SLC8A3: variants seen among roughly 807,000 people sequenced by gnomAD.
SLC8A3 encodes sodium/calcium exchanger 3.
SLC8A3 carries 37 observed loss-of-function variants against 65.4 expected under a neutral mutation model. The ratio of observed to expected loss-of-function variants is 0.57; its 90% CI spans 0.44 to 0.74. The LOEUF is 0.74. Ranked by LOEUF, SLC8A3 falls within the 30% of genes least tolerant of loss-of-function variation. The probability of loss-of-function intolerance (pLI) is 0.00; values close to 1 mark genes in which losing one functional copy is unlikely to be tolerated. For missense variants in SLC8A3, 1,112 were observed against 1,172.1 expected, an observed-to-expected ratio of 0.95 and a Z score of 0.75; for synonymous variants, 461 against 444.5, an observed-to-expected ratio of 1.04 and a Z score of -0.47.
At chr14:70,101,550 T>G (rs531697771) in intron 2 of SLC8A3, among the ~76,000 whole-genome samples, 1 of 152,246 alleles carries the variant, frequency 6.6e-6, no homozygotes, top group Non-Finnish European at 1.5e-5. Context: ...ACAAAGTTAT[T>G]CTAAGAGCAA....
In SLC8A3 at chr14:70,048,863, T is replaced by C. The variant is rs1328218501; in HGVS notation, c.2293A>G (p.Ile765Val). 1 of 1,614,132 alleles carries C rather than the reference T, an allele frequency of 6.2e-7. No homozygotes were observed. The highest frequency in any genetic ancestry group is 1.1e-5 in the South Asian group (1 of 91,048). Residue 765 changes from isoleucine to valine, a missense_variant, in exon 6 of 7, where the codon ATC becomes GTC. Transcript: ENST00000356921. ...SILIIGMLTA[I>V]IGDLASHFGC... ...AAGTGCGAGGCCAGGTCCCCAATGA[T>C]GGCGGTGAGCATGCCAATGATGAGG...
intron 2 of SLC8A3, among the ~76,000 whole-genome samples, chr14:70,090,976 T>A (rs1330950540): frequency 6.6e-6 from 1 of 152,208 alleles, no homozygotes; most frequent in Non-Finnish European, 1.5e-5. Flanking sequence ...CCATCAATCC[T>A]CTAAAGGTCC....
intron 2 of SLC8A3, among the ~76,000 whole-genome samples, chr14:70,134,387 A>G (rs141081574): frequency 8.5e-5 from 13 of 152,256 alleles, no homozygotes; most frequent in East Asian, 5.8e-4. Context: ...TAATCCCTGC[A>G]TTCTTCCCAT....
chr14:70,066,631 G>C (rs1214078508), intron 2 of SLC8A3, among the ~76,000 whole-genome samples: 1 of 152,026 alleles, frequency 6.6e-6, no homozygotes, highest in Non-Finnish European at 1.5e-5. Context: ...ACCAACATGG[G>C]GAAACTCTGT....
At chr14:70,148,273 G>C (rs1007111137) in intron 2 of SLC8A3, among the ~76,000 whole-genome samples, 1 of 152,122 alleles carries the variant, frequency 6.6e-6, no homozygotes, top group East Asian at 1.9e-4. Flanking sequence ...TTGACTTATG[G>C]TATTTGTAAC....
chr14:70,159,692 A>C (rs1171795710), intron 2 of SLC8A3, among the ~76,000 whole-genome samples: 1 of 152,212 alleles, frequency 6.6e-6, no homozygotes, highest in Admixed American at 6.5e-5. Flanking sequence ...TAAGACCCAG[A>C]AGAGTCCAGA....
chr14:70,084,667 A>T (rs1457271907), intron 2 of SLC8A3, among the ~76,000 whole-genome samples: 4 of 152,224 alleles, frequency 2.6e-5, no homozygotes, highest in African/African-American at 7.2e-5. Flanking sequence ...GAGAAGGGAA[A>T]ATTGAATGTT....
At chr14:70,149,578 G>A (rs1896135366) in intron 2 of SLC8A3, among the ~76,000 whole-genome samples, 1 of 152,162 alleles carries the variant, frequency 6.6e-6, no homozygotes, top group African/African-American at 2.4e-5. Flanking sequence ...TCTGGGAGAT[G>A]GGTCTAGTGA....
rs1201282532 is a variant in SLC8A3 at position 70,049,007 on chromosome 14, T to C, written c.2149A>G (p.Arg717Gly). The C allele has an allele frequency of 6.2e-7, 1 of 1,613,494 alleles. No homozygotes were observed. ...ACGTAGTCAAAGCAGGAGGGCAGCC[T>C]CTCCTCCCCGGATTCATCCTCATCC... ...DEDEDESGEERLPSCFDYVMH... is the reference protein window; with the variant it reads ...DEDEDESGEEGLPSCFDYVMH... Residue 717 changes from arginine to glycine, a missense_variant, in exon 6 of 7, where the codon AGG becomes GGG. Arg to Gly is a moderately radical substitution (Grantham distance 125, BLOSUM62 -2). Coordinates refer to ENST00000356921, the MANE Select transcript of SLC8A3 (RefSeq NM_182932.3).
intron 2 of SLC8A3, among the ~76,000 whole-genome samples, chr14:70,070,717 A>C (rs557612974): frequency 8.5e-5 from 13 of 152,306 alleles, no homozygotes; most frequent in Non-Finnish European, 1.3e-4. Context: ...GTATTAAAAA[A>C]TAGGATGATG....
intron 2 of SLC8A3, among the ~76,000 whole-genome samples, chr14:70,148,149 GC>G (rs1236584810): frequency 6.6e-6 from 1 of 152,118 alleles, no homozygotes; most frequent in Non-Finnish European, 1.5e-5. Context: ...TTTAAAATAG[GC>G]TTTGTTTTAT....
chr14:70,116,778 A>T (rs1004253552), intron 2 of SLC8A3, among the ~76,000 whole-genome samples: 5 of 152,220 alleles, frequency 3.3e-5, no homozygotes, highest in Non-Finnish European at 5.9e-5. Context: ...GCACAGCCGA[A>T]CCTCTGCCTT....
In SLC8A3 at chr14:70,090,628, GTA is replaced by G. The variant is rs899765267; in HGVS notation, c.1785-29691_1785-29690del. Among the ~76,000 whole-genome samples, 98 of 152,138 alleles carry G rather than the reference GTA, an allele frequency of 6.4e-4. 1 individual carries two copies. The highest frequency in any genetic ancestry group is 2.3e-3 in the African/African-American group (94 of 41,436). On this transcript the variant is annotated intron_variant, in intron 2 of 6. Transcript: ENST00000356921. ...AACCTTCAGTCTTTTGGAAAAACTT[GTA>G]TATATATAGTGGTTCTTATTCCAAA...
At chr14:70,140,754 G>C (rs61978164) in intron 2 of SLC8A3, among the ~76,000 whole-genome samples, 17,638 of 152,224 alleles carry the variant, frequency 0.12, 1,231 homozygotes, top group Non-Finnish European at 0.16. Flanking sequence ...CAAGCTGCAC[G>C]CTTCTCCTTT....
In SLC8A3 at chr14:70,168,003, G is replaced by A. The variant is rs140725483; in HGVS notation, c.420C>T (p.Ala140=). ...GTATCTCAGGAGCAGAGGAACCCAG[G>A]GCCATAAGGGTCAGGTTGGAGACAG... is the stretch of plus-strand genomic sequence containing the variant. The part of the protein sequence containing the change: ...NETVSNLTLM[A]LGSSAPEILL... Residue 140 remains alanine, a synonymous_variant, in exon 2 of 7, where the codon GCC becomes GCT. Coordinates refer to ENST00000356921, the MANE Select transcript of SLC8A3 (RefSeq NM_182932.3). 2.6e-4 allele frequency: 427 copies of A among 1,614,128 alleles called. No individual in the cohort carries two copies. The highest frequency in any genetic ancestry group is 2.6e-4 in the Non-Finnish European group (303 of 1,180,030).
chr14:70,154,256 C>T (rs1402247028), intron 2 of SLC8A3, among the ~76,000 whole-genome samples: 2 of 152,198 alleles, frequency 1.3e-5, no homozygotes, highest in Admixed American at 1.3e-4. Flanking sequence ...AAAGAATATG[C>T]AGTTTAAAAT....
At chr14:70,072,248 A>C (rs1890074451) in intron 2 of SLC8A3, among the ~76,000 whole-genome samples, 1 of 152,134 alleles carries the variant, frequency 6.6e-6, no homozygotes, top group Non-Finnish European at 1.5e-5. Context: ...AGAGCGTGTT[A>C]CCTGTGGCTA....
At chr14:70,136,449 T>G (rs112232319) in intron 2 of SLC8A3, among the ~76,000 whole-genome samples, 5,133 of 152,272 alleles carry the variant, frequency 0.034, 298 homozygotes, top group African/African-American at 0.12. Flanking sequence ...CCTGTCCACC[T>G]CACTCACCTT....
chr14:70,162,757 T>A (rs567142835), intron 2 of SLC8A3, among the ~76,000 whole-genome samples: 1 of 152,328 alleles, frequency 6.6e-6, no homozygotes, highest in East Asian at 1.9e-4. Context: ...ATAGTGATGG[T>A]TGCAAAGGTG....
Sources: allele counts gnomAD v4.1 joint callset (sites outside exome capture counted in the v4.1 genomes callset), GRCh38; gene constraint gnomAD v4.1.1; transcripts MANE v1.5; gene names NCBI Gene and HGNC (gene_info 2026-07-23, HGNC 2026-07-21).